The following GRIA3 variants were observed in gnomAD, a reference collection of about 807,000 sequenced individuals.
GRIA3 encodes the protein glutamate receptor 3.
Under a neutral mutation model 63.0 loss-of-function variants are expected in GRIA3, and 3 were observed. The observed-to-expected ratio is 0.05, with a 90% CI of 0.02 to 0.12. The LOEUF (loss-of-function observed/expected upper bound fraction) is 0.12. Ranked by LOEUF, GRIA3 falls within the 10% of genes least tolerant of loss-of-function variation. GRIA3 has a pLI of 1.00. For synonymous variants in GRIA3, 274 were observed against 257.9 expected (o/e 1.06, Z -0.60); for missense variants, 347 against 700.9 (o/e 0.50, Z 5.70).
chrX:123,220,644 C>T (rs1928266547), intron 2 of GRIA3, among the ~76,000 whole-genome samples: 1 of 111,818 alleles, frequency 8.9e-6, no homozygotes, highest in Admixed American at 9.5e-5. Context: ...CAGAAAGAGC[C>T]CCATGTCTGA....
intron 2 of GRIA3, among the ~76,000 whole-genome samples, chrX:123,237,684 T>C (rs2044308729): frequency 8.9e-6 from 1 of 112,617 alleles, no homozygotes; most frequent in African/African-American, 3.2e-5. Context: ...TGGTCAGATG[T>C]ATTCATCAGT....
intron 4 of GRIA3, among the ~76,000 whole-genome samples, chrX:123,336,831 T>C (rs1324264115): frequency 9.0e-6 from 1 of 111,544 alleles, no homozygotes; most frequent in Non-Finnish European, 1.9e-5. Flanking sequence ...CCATAAACTA[T>C]AAAAATCCTT....
chrX:123,211,143 A>G (rs1251948313), intron 2 of GRIA3, among the ~76,000 whole-genome samples: 1 of 111,732 alleles, frequency 8.9e-6, no homozygotes, highest in Non-Finnish European at 1.9e-5. Context: ...GAACCCTTGT[A>G]TATCTCTGAG....
At chrX:123,486,144 G>C (rs1000684305) in intron 15 of GRIA3, among the ~76,000 whole-genome samples, 1 of 81,173 alleles carries the variant, frequency 1.2e-5, no homozygotes. Flanking sequence ...AGGAGGGAAG[G>C]AAGGAAGGAA....
At chrX:123,422,473 G>A (rs1010353312) in intron 11 of GRIA3, among the ~76,000 whole-genome samples, 14 of 111,859 alleles carry the variant, frequency 1.3e-4, no homozygotes, top group Non-Finnish European at 2.6e-4. Context: ...GTCGGTGGAA[G>A]GTACGAGGAG....
rs369047203 is a variant in GRIA3 at position 123,398,607 on chromosome X, A to G, written c.913-29A>G. ...AATTTTGAGGGTATCATTTATCATG[A>G]TATCTTGTTTTTCATGCATCCATTT... On this transcript the variant is annotated intron_variant, in intron 6 of 15. Coordinates refer to ENST00000620443, the MANE Select transcript of GRIA3 (RefSeq NM_007325.5). 6 of 1,158,098 alleles carry G rather than the reference A, an allele frequency of 5.2e-6. No individual in the cohort carries two copies. In the African/African-American group the frequency reaches 8.9e-5, roughly 17 times the overall value.
intron 3 of GRIA3, among the ~76,000 whole-genome samples, chrX:123,309,656 AG>A (rs1306361521): frequency 9.0e-6 from 1 of 111,666 alleles, no homozygotes; most frequent in Non-Finnish European, 1.9e-5. Flanking sequence ...TTATGGCCTA[AG>A]GGGGTTGTCA....
chrX:123,186,466 G>A (rs182621382), intron 2 of GRIA3, among the ~76,000 whole-genome samples: 2 of 111,998 alleles, frequency 1.8e-5, no homozygotes, highest in African/African-American at 6.5e-5. Flanking sequence ...AGCTGAATTT[G>A]ACAATTGCCT....
At chrX:123,359,827 T>C (rs1375187923) in intron 5 of GRIA3, among the ~76,000 whole-genome samples, 8 of 112,132 alleles carry the variant, frequency 7.1e-5, no homozygotes, top group Non-Finnish European at 7.5e-5. Flanking sequence ...AGTTAACCAC[T>C]GCCTTAGAAG....
intron 12 of GRIA3, among the ~76,000 whole-genome samples, chrX:123,446,810 T>A (rs1242255136): frequency 9.0e-6 from 1 of 111,360 alleles, no homozygotes; most frequent in East Asian, 2.8e-4. Flanking sequence ...CTGCCATTGA[T>A]TGATCAGAGC....
intron 2 of GRIA3, among the ~76,000 whole-genome samples, chrX:123,220,528 T>C (rs1928264583): frequency 9.0e-6 from 1 of 111,481 alleles, no homozygotes; most frequent in Non-Finnish European, 1.9e-5. Context: ...AAGAAATAAC[T>C]CCTTCATTCT....
intron 12 of GRIA3, among the ~76,000 whole-genome samples, chrX:123,434,354 C>T (rs1277526875): frequency 9.0e-6 from 1 of 111,257 alleles, no homozygotes; most frequent in Non-Finnish European, 1.9e-5. Context: ...AAAGCTGCAG[C>T]CAAATTTTAT....
intron 13 of GRIA3, among the ~76,000 whole-genome samples, 199 bp from the exon 14 acceptor site, chrX:123,479,864 T>C (rs1212734030): frequency 1.8e-5 from 2 of 112,292 alleles, no homozygotes; most frequent in East Asian, 5.5e-4. Flanking sequence ...CAAAGCGATA[T>C]GGGCAGGCCC....
chrX:123,377,659 T>C (rs887723016), intron 5 of GRIA3, among the ~76,000 whole-genome samples: 5 of 112,131 alleles, frequency 4.5e-5, no homozygotes, highest in African/African-American at 1.6e-4. Flanking sequence ...AATAATTAAA[T>C]AACAAGAAAG....
intron 5 of GRIA3, among the ~76,000 whole-genome samples, chrX:123,394,245 C>T (rs914571249): frequency 9.0e-6 from 1 of 110,645 alleles, no homozygotes; most frequent in Non-Finnish European, 1.9e-5. Flanking sequence ...GCCTGTAATC[C>T]CAGCTACTTG....
chrX:123,414,346 G>C (rs1350564357), intron 10 of GRIA3, among the ~76,000 whole-genome samples: 2 of 112,477 alleles, frequency 1.8e-5, no homozygotes, highest in Non-Finnish European at 3.8e-5. Flanking sequence ...GGCCACATGA[G>C]TCTCACGCCT....
At chrX:123,360,013 C>T (rs1256710918) in intron 5 of GRIA3, among the ~76,000 whole-genome samples, 1 of 112,155 alleles carries the variant, frequency 8.9e-6, no homozygotes. Flanking sequence ...TCTTATATTC[C>T]TCTCTGATGT....
intron 2 of GRIA3, among the ~76,000 whole-genome samples, chrX:123,234,568 C>A (rs1041343287): frequency 8.9e-6 from 1 of 111,768 alleles, no homozygotes; most frequent in African/African-American, 3.3e-5. Context: ...GCCATCCTGG[C>A]TCCCTGAAAT....
At chrX:123,347,011 T>G (rs2045054619) in intron 4 of GRIA3, among the ~76,000 whole-genome samples, 1 of 112,214 alleles carries the variant, frequency 8.9e-6, no homozygotes, top group Non-Finnish European at 1.9e-5. Context: ...TTTTGTGGTG[T>G]TAGTACTCTC....
Sources: allele counts gnomAD v4.1 joint callset (sites outside exome capture counted in the v4.1 genomes callset), GRCh38; gene constraint gnomAD v4.1.1; transcripts MANE v1.5; gene names NCBI Gene and HGNC (gene_info 2026-07-23, HGNC 2026-07-21).